Variants in MTX2 observed in about 807,000 individuals in gnomAD.
The protein encoded by MTX2 is metaxin-2.
In MTX2, 35 loss-of-function variants were observed where a neutral mutation model predicts 42.3. The observed-to-expected ratio is 0.83, with a 90% confidence interval of 0.63 to 1.10. The LOEUF (loss-of-function observed/expected upper bound fraction) is 1.10, where lower values mean the gene tolerates loss of function less well. Ranked by LOEUF, MTX2 falls within the 50% of genes least tolerant of loss-of-function variation. The pLI, the probability that MTX2 is intolerant of heterozygous loss-of-function variation, is 0.00. For synonymous variants in MTX2, 119 were observed against 100.9 expected, an observed-to-expected ratio of 1.18 and a Z score of -1.08; for missense variants, 307 against 304.1, an observed-to-expected ratio of 1.01 and a Z score of -0.07.
intron 4 of MTX2, among the ~76,000 whole-genome samples, chr2:176,325,849 A>AT (rs1684694897): frequency 6.6e-6 from 1 of 151,748 alleles, no homozygotes; most frequent in African/African-American, 2.4e-5. Context: ...CAATACATCT[A>AT]TTGAGTTGTT....
intron 1 of MTX2, among the ~76,000 whole-genome samples, chr2:176,296,352 G>A (rs1683881385): frequency 6.6e-6 from 1 of 152,164 alleles, no homozygotes; most frequent in Admixed American, 6.6e-5. Flanking sequence ...CTGCCAGATT[G>A]TGGGGAAAGA....
chr2:176,297,937 T>G, intron 3 of MTX2, 42 bp downstream of exon 3: 1 of 1,446,318 alleles, frequency 6.9e-7, no homozygotes. Context: ...ACCCCCTAGG[T>G]GGTTTGCATC....
chr2:176,282,784 A>C (rs1048929541), intron 1 of MTX2, among the ~76,000 whole-genome samples: 1 of 150,784 alleles, frequency 6.6e-6, no homozygotes, highest in Non-Finnish European at 1.5e-5. Flanking sequence ...GCTCACTGCA[A>C]CCTCCATCTC....
At chr2:176,309,509 A>G (rs932608873) in intron 3 of MTX2, among the ~76,000 whole-genome samples, 2 of 152,082 alleles carry the variant, frequency 1.3e-5, no homozygotes, top group African/African-American at 4.8e-5. Context: ...GTATCCCATT[A>G]TTATTGTGTG....
intron 3 of MTX2, among the ~76,000 whole-genome samples, chr2:176,298,980 T>C (rs550411878): frequency 7.2e-5 from 11 of 151,976 alleles, no homozygotes; most frequent in Non-Finnish European, 1.5e-4. Flanking sequence ...CGGGATCCCC[T>C]AGGAAGAGCC....
At chr2:176,281,262 A>G (rs1246122174) in intron 1 of MTX2, among the ~76,000 whole-genome samples, 1 of 152,140 alleles carries the variant, frequency 6.6e-6, no homozygotes, top group Non-Finnish European at 1.5e-5. Context: ...TCTCTCACTC[A>G]TGATGTCTGG....
chr2:176,310,013 A>G (rs1684261979), intron 3 of MTX2, among the ~76,000 whole-genome samples: 1 of 152,070 alleles, frequency 6.6e-6, no homozygotes, highest in Admixed American at 6.5e-5. Context: ...TGGTCTTTAC[A>G]GTTTGGCCTG....
At chr2:176,337,079 A>G (rs1685007215) in intron 9 of MTX2, among the ~76,000 whole-genome samples, 1 of 152,154 alleles carries the variant, frequency 6.6e-6, no homozygotes, top group African/African-American at 2.4e-5. Flanking sequence ...CCCAATACAC[A>G]CAATCTAAAT....
intron 1 of MTX2, among the ~76,000 whole-genome samples, chr2:176,292,256 A>G (rs1693345288): frequency 1.3e-5 from 2 of 152,220 alleles, no homozygotes; most frequent in African/African-American, 4.8e-5. Context: ...AGAGTAGGTG[A>G]GTCATGACAT....
At chr2:176,285,486 A>G (rs1693177684) in intron 1 of MTX2, among the ~76,000 whole-genome samples, 1 of 141,160 alleles carries the variant, frequency 7.1e-6, no homozygotes, top group East Asian at 2.1e-4. Context: ...GTAGGTTTCC[A>G]TCACCTCCAA....
At chr2:176,300,381 A>G (rs1683992012) in intron 3 of MTX2, among the ~76,000 whole-genome samples, 1 of 152,146 alleles carries the variant, frequency 6.6e-6, no homozygotes, top group Non-Finnish European at 1.5e-5. Context: ...AATAATATGC[A>G]TTATTTTACC....
At chr2:176,318,285 C>A (rs1361944396) in intron 3 of MTX2, among the ~76,000 whole-genome samples, 1 of 151,570 alleles carries the variant, frequency 6.6e-6, no homozygotes, top group Admixed American at 6.6e-5. Context: ...AAAACCCTAC[C>A]CCTGATACCT....
chr2:176,304,445 G>T (rs1034258373), intron 3 of MTX2: 2 of 152,094 alleles, frequency 1.3e-5, no homozygotes, highest in African/African-American at 4.8e-5. Context: ...TACAAATATG[G>T]CTGTTATGGT....
chr2:176,327,580 T>A (rs930467637), intron 5 of MTX2, among the ~76,000 whole-genome samples: 1 of 149,394 alleles, frequency 6.7e-6, no homozygotes, highest in African/African-American at 2.4e-5. Context: ...TATATTATTT[T>A]TTTTTTCTTC....
intron 3 of MTX2, among the ~76,000 whole-genome samples, chr2:176,322,884 A>G (rs991193360): frequency 6.6e-6 from 1 of 151,928 alleles, no homozygotes; most frequent in African/African-American, 2.4e-5. Flanking sequence ...GTCTTTAAAA[A>G]GTGAATTCGT....
intron 1 of MTX2, among the ~76,000 whole-genome samples, chr2:176,282,795 C>T (rs931859544): frequency 1.3e-5 from 2 of 152,006 alleles, no homozygotes; most frequent in South Asian, 2.1e-4. Context: ...CCTCCATCTC[C>T]TGGGTTCATG....
intron 1 of MTX2, among the ~76,000 whole-genome samples, chr2:176,278,041 GTTTTTTTTTTTTT>G (rs59379339): frequency 2.4e-5 from 2 of 84,836 alleles, no homozygotes; most frequent in Admixed American, 1.6e-4. Flanking sequence ...GTTGAAACTG[GTTTTTTTTTTTTT>G]TTTTTTTTTT....
chr2:176,270,227 G>A (rs747615192), intron 1 of MTX2: 18 of 446,226 alleles, frequency 4.0e-5, no homozygotes, highest in Non-Finnish European at 5.6e-5. Context: ...CTGGAGTGCA[G>A]TGGCACAACC....
chr2:176,322,101 G>A lies in MTX2; in HGVS notation c.136-1291G>A, dbSNP rs191754345. Among the ~76,000 whole-genome samples, 10 of 152,254 alleles carry A rather than the reference G, an allele frequency of 6.6e-5. No homozygotes were observed. The East Asian group carries it at 1.5e-3, about 24-fold the overall frequency. ...ATGTAAGAATCAGAGGATGCAATTAGTGGGGGAATCAGACTCACGTGGGAT... is the reference window on the plus strand; with the variant it reads ...ATGTAAGAATCAGAGGATGCAATTAATGGGGGAATCAGACTCACGTGGGAT... On this transcript the variant is annotated intron_variant, in intron 3 of 9. Transcript: ENST00000249442.
Sources: allele counts gnomAD v4.1 joint callset (sites outside exome capture counted in the v4.1 genomes callset), GRCh38; gene constraint gnomAD v4.1.1; transcripts MANE v1.5; gene names NCBI Gene and HGNC (gene_info 2026-07-23, HGNC 2026-07-21).